CYP2C19: variants seen among roughly 807,000 people sequenced by gnomAD.
CYP2C19 encodes cytochrome P450 family 2 subfamily C member 19, also known as cytochrome P450 2C19.
CYP2C19 carries 59 observed loss-of-function variants against 40.9 expected under a neutral mutation model. That is an observed-to-expected ratio of 1.44 (90% confidence interval 1.17 to 1.79). CYP2C19 has a LOEUF of 1.79. Ranked by LOEUF, CYP2C19 falls within the 40% of genes most tolerant of loss-of-function variation. The probability of loss-of-function intolerance (pLI) is 0.00; values close to 1 mark genes in which losing one functional copy is unlikely to be tolerated. For missense variants in CYP2C19, 754 were observed against 596.9 expected (o/e 1.26, Z -2.74); for synonymous variants, 253 against 208.7 (o/e 1.21, Z -1.83).
chr10:94,816,910 A>G (rs899364295), intron 5 of CYP2C19, among the ~76,000 whole-genome samples: 2 of 143,482 alleles, frequency 1.4e-5, no homozygotes, highest in African/African-American at 5.2e-5. Flanking sequence ...ATATGAACTC[A>G]TCATTTTTTA....
intron 5 of CYP2C19, among the ~76,000 whole-genome samples, chr10:94,795,500 ATC>A (rs1848670675): frequency 6.6e-6 from 1 of 152,066 alleles, no homozygotes; most frequent in African/African-American, 2.4e-5. Flanking sequence ...ATGGTTTATA[ATC>A]TTTTGGGTAT....
At chr10:94,786,227 G>A (rs1848539711) in intron 5 of CYP2C19, among the ~76,000 whole-genome samples, 1 of 152,084 alleles carries the variant, frequency 6.6e-6, no homozygotes, top group South Asian at 2.1e-4. Context: ...TCATCACCAT[G>A]TAGTTGCATA....
At chr10:94,801,823 G>A (rs1287514138) in intron 5 of CYP2C19, among the ~76,000 whole-genome samples, 1 of 152,168 alleles carries the variant, frequency 6.6e-6, no homozygotes, top group Non-Finnish European at 1.5e-5. Context: ...TTGTTACATT[G>A]TGTCTGGATT....
rs190686896 is a variant in CYP2C19 at position 94,800,620 on chromosome 10, T to C, written c.819+18623T>C. 3.1e-3 allele frequency among the ~76,000 whole-genome samples: 474 copies of C among 152,242 alleles called. 3 individuals are homozygous for C. The highest frequency in any genetic ancestry group is 0.011 in the African/African-American group (451 of 41,576). ...CTGCTGCCTTTTTTTCAGCTATGCC[T>C]TGCCCTGGATTCTATAGAGGCAGTA... is the stretch of plus-strand genomic sequence containing the variant. On this transcript the variant is annotated intron_variant, in intron 5 of 8. Transcript: ENST00000371321.
chr10:94,835,709 T>A (rs761571175), intron 6 of CYP2C19, among the ~76,000 whole-genome samples: 1 of 152,142 alleles, frequency 6.6e-6, no homozygotes, highest in South Asian at 2.1e-4. Flanking sequence ...AAGTTAGGAA[T>A]TTCCTTTCCC....
At chr10:94,813,324 C>G (rs1848954093) in intron 5 of CYP2C19, among the ~76,000 whole-genome samples, 1 of 151,934 alleles carries the variant, frequency 6.6e-6, no homozygotes, top group Admixed American at 6.6e-5. Context: ...GGGAGGTCTG[C>G]TGTTCTCTTT....
At chr10:94,780,746 A>G in intron 4 of CYP2C19, 87 bp downstream of exon 4, 1 of 1,477,688 alleles carries the variant, frequency 6.8e-7, no homozygotes, top group East Asian at 2.3e-5. Context: ...CAAGCCCTGA[A>G]GTACATTTTT....
intron 5 of CYP2C19, among the ~76,000 whole-genome samples, chr10:94,818,816 A>T (rs944043097): frequency 2.6e-5 from 4 of 150,988 alleles, no homozygotes; most frequent in Non-Finnish European, 4.4e-5. Flanking sequence ...TTTCTAGATA[A>T]ACAATCATGT....
At chr10:94,820,468 T>C in intron 5 of CYP2C19, 28 bp from the exon 6 acceptor site, 1 of 1,612,588 alleles carries the variant, frequency 6.2e-7, no homozygotes, top group Non-Finnish European at 8.5e-7. Flanking sequence ...AAATAATTTG[T>C]CAGATAATTG....
intron 3 of CYP2C19, chr10:94,775,789 C>A: frequency 1.8e-6 from 1 of 565,580 alleles, no homozygotes; most frequent in Non-Finnish European, 3.0e-6. Flanking sequence ...AACTTTGCTT[C>A]TTTGTTTTCA....
intron 5 of CYP2C19, among the ~76,000 whole-genome samples, chr10:94,789,935 A>G (rs556004856): frequency 6.6e-6 from 1 of 152,284 alleles, no homozygotes; most frequent in East Asian, 1.9e-4. Context: ...TACCTTGGGC[A>G]GTATGGCCAG....
At chr10:94,851,623 A>G (rs1056854723) in intron 8 of CYP2C19, among the ~76,000 whole-genome samples, 1 of 152,152 alleles carries the variant, frequency 6.6e-6, no homozygotes, top group Admixed American at 6.6e-5. Context: ...GTGAATTCCA[A>G]GATTGAGGTG....
chr10:94,824,696 T>C (rs1849185638), intron 6 of CYP2C19, among the ~76,000 whole-genome samples: 1 of 152,142 alleles, frequency 6.6e-6, no homozygotes, highest in Admixed American at 6.5e-5. Context: ...AGGGTACATG[T>C]GCACATTGTG....
intron 6 of CYP2C19, among the ~76,000 whole-genome samples, chr10:94,822,346 T>C (rs1225723392): frequency 6.6e-6 from 1 of 152,182 alleles, no homozygotes; most frequent in South Asian, 2.1e-4. Flanking sequence ...GATTAAATTA[T>C]GTCCCATTGA....
intron 7 of CYP2C19, among the ~76,000 whole-genome samples, chr10:94,848,661 C>T (rs1265800797): frequency 2.0e-5 from 3 of 152,082 alleles, no homozygotes; most frequent in Admixed American, 6.6e-5. Context: ...TATAAATTAC[C>T]TTGGGCAGTA....
chr10:94,847,143 T>C (rs1053225539), intron 7 of CYP2C19, among the ~76,000 whole-genome samples: 1 of 152,050 alleles, frequency 6.6e-6, no homozygotes, highest in African/African-American at 2.4e-5. Context: ...TAGTTACAAA[T>C]GTATACATGT....
At chr10:94,818,204 A>T (rs1468530973) in intron 5 of CYP2C19, among the ~76,000 whole-genome samples, 9 of 145,408 alleles carry the variant, frequency 6.2e-5, no homozygotes, top group Non-Finnish European at 1.2e-4. Flanking sequence ...AGTTGTAGGT[A>T]TGCGGCGTTA....
chr10:94,775,060 C>T lies in CYP2C19; in HGVS notation c.171C>T (p.Leu57=), dbSNP rs779668039. ...GTTAACTGTATCTCCTTTTCTAGCTCTCAAAAATCTATGGCCCTGTGTTCA... is the reference window on the plus strand; with the variant it reads ...GTTAACTGTATCTCCTTTTCTAGCTTTCAAAAATCTATGGCCCTGTGTTCA... ...IKDVSKSLTN[L]SKIYGPVFTL... The change falls in exon 2 of 9, where the codon CTC becomes CTT. Residue 57 remains leucine, a splice_region_variant and synonymous_variant. Transcript: ENST00000371321. The T allele has an allele frequency of 2.5e-5, 40 of 1,613,864 alleles. No individual in the cohort carries two copies. Among genetic ancestry groups the T allele is most frequent in the Admixed American group, 1.8e-4 (11 of 59,996 alleles).
chr10:94,782,875 C>T (rs57108647), intron 5 of CYP2C19, among the ~76,000 whole-genome samples: 3,319 of 152,148 alleles, frequency 0.022, 118 homozygotes, highest in African/African-American at 0.074. Flanking sequence ...AACCAAACAC[C>T]GTATGTTCTC....
Sources: allele counts gnomAD v4.1 joint callset (sites outside exome capture counted in the v4.1 genomes callset), GRCh38; gene constraint gnomAD v4.1.1; transcripts MANE v1.5; gene names NCBI Gene and HGNC (gene_info 2026-07-23, HGNC 2026-07-21).